The following RERE variants were observed in gnomAD, a reference collection of about 807,000 sequenced individuals.
The protein encoded by RERE is arginine-glutamic acid dipeptide repeats.
In RERE, 40 loss-of-function variants were observed where a neutral mutation model predicts 146.1. The ratio of observed to expected loss-of-function variants is 0.27; its 90% CI spans 0.21 to 0.36. The LOEUF (loss-of-function observed/expected upper bound fraction) is 0.36. Ranked by LOEUF, RERE falls within the 10% of genes least tolerant of loss-of-function variation. RERE has a pLI of 1.00. For synonymous variants in RERE, 1,003 were observed against 866.0 expected, an observed-to-expected ratio of 1.16 and a Z score of -2.78; for missense variants, 1,933 against 2,138.7, an observed-to-expected ratio of 0.90 and a Z score of 1.90.
At chr1:8,810,098 C>T (rs1641776191) in intron 1 of RERE, among the ~76,000 whole-genome samples, 1 of 151,426 alleles carries the variant, frequency 6.6e-6, no homozygotes, top group South Asian at 2.1e-4. Flanking sequence ...CTCCGCCTCC[C>T]GGGTTCAAGC....
chr1:8,726,003 C>T (rs920842168), intron 1 of RERE, among the ~76,000 whole-genome samples: 1 of 151,948 alleles, frequency 6.6e-6, no homozygotes, highest in East Asian at 1.9e-4. Context: ...CATTTACTTC[C>T]TACCCAACAA....
chr1:8,461,757 G>A (rs1403717847), intron 11 of RERE, among the ~76,000 whole-genome samples: 1 of 152,206 alleles, frequency 6.6e-6, no homozygotes, highest in Non-Finnish European at 1.5e-5. Flanking sequence ...GAGGTCAGGT[G>A]ATAGGAGGAG....
At chr1:8,367,898 C>T (rs969532974) in intron 12 of RERE, among the ~76,000 whole-genome samples, 3 of 152,164 alleles carry the variant, frequency 2.0e-5, no homozygotes, top group African/African-American at 4.8e-5. Flanking sequence ...GGAAAAGATT[C>T]GTAAATCCCA....
chr1:8,632,353 T>C (rs778283742), intron 2 of RERE, among the ~76,000 whole-genome samples: 37 of 152,194 alleles, frequency 2.4e-4, no homozygotes, highest in Non-Finnish European at 4.9e-4. Flanking sequence ...CAGAAAACAA[T>C]GCACTAGGAG....
intron 1 of RERE, among the ~76,000 whole-genome samples, chr1:8,779,698 G>A (rs1404339038): frequency 1.3e-5 from 2 of 151,966 alleles, no homozygotes; most frequent in African/African-American, 4.8e-5. Flanking sequence ...CATGAGAGCA[G>A]AGATTTTTTT....
At chr1:8,538,958 G>C (rs1645762295) in intron 7 of RERE, among the ~76,000 whole-genome samples, 1 of 152,228 alleles carries the variant, frequency 6.6e-6, no homozygotes, top group Non-Finnish European at 1.5e-5. Flanking sequence ...ACTTGAGTGA[G>C]TGCCTGGTTT....
intron 11 of RERE, among the ~76,000 whole-genome samples, chr1:8,452,708 G>A (rs1038384167): frequency 6.6e-6 from 1 of 152,212 alleles, no homozygotes; most frequent in Admixed American, 6.5e-5. Context: ...ACAAGAGTAG[G>A]AATGGAAACG....
intron 10 of RERE, among the ~76,000 whole-genome samples, chr1:8,483,491 A>G (rs953231045): frequency 1.3e-5 from 2 of 152,256 alleles, no homozygotes; most frequent in Non-Finnish European, 2.9e-5. Context: ...TTTTAGAATA[A>G]AAGAGAAATG....
At chr1:8,688,127 C>G (rs1402012590) in intron 1 of RERE, among the ~76,000 whole-genome samples, 1 of 152,136 alleles carries the variant, frequency 6.6e-6, no homozygotes, top group African/African-American at 2.4e-5. Context: ...TCTAGGTAAC[C>G]ACACAACTAT....
chr1:8,569,690 G>C (rs1646196109), intron 4 of RERE, among the ~76,000 whole-genome samples: 1 of 152,148 alleles, frequency 6.6e-6, no homozygotes, highest in African/African-American at 2.4e-5. Flanking sequence ...CCAGTAGTTT[G>C]AGACTAACTT....
chr1:8,640,149 T>A (rs1380223802), intron 2 of RERE, among the ~76,000 whole-genome samples: 1 of 119,480 alleles, frequency 8.4e-6, no homozygotes. Flanking sequence ...AGTAAGACCC[T>A]GTCTCAGAAA....
At chr1:8,784,695 G>C (rs1045177527) in intron 1 of RERE, among the ~76,000 whole-genome samples, 3 of 151,982 alleles carry the variant, frequency 2.0e-5, no homozygotes, top group Non-Finnish European at 4.4e-5. Context: ...TAAGGAAAAG[G>C]GAATTCTATC....
intron 1 of RERE, among the ~76,000 whole-genome samples, chr1:8,741,618 TGAA>T (rs1354688876): frequency 6.6e-6 from 1 of 152,182 alleles, no homozygotes; most frequent in Non-Finnish European, 1.5e-5. Flanking sequence ...TGCCACCCTG[TGAA>T]GAAGATGCCT....
At chr1:8,489,076 G>A (rs576331606) in intron 10 of RERE, among the ~76,000 whole-genome samples, 1 of 152,222 alleles carries the variant, frequency 6.6e-6, no homozygotes, top group South Asian at 2.1e-4. Context: ...CAGGTGCGGT[G>A]GCTCATGTCT....
intron 9 of RERE, among the ~76,000 whole-genome samples, chr1:8,496,654 C>T (rs897769019): frequency 6.6e-5 from 10 of 152,294 alleles, no homozygotes; most frequent in African/African-American, 2.4e-4. Flanking sequence ...GTGACACCTG[C>T]TCTGTGACGA....
intron 1 of RERE, among the ~76,000 whole-genome samples, chr1:8,738,988 A>G (rs997819222): frequency 1.3e-5 from 2 of 152,090 alleles, no homozygotes; most frequent in Non-Finnish European, 2.9e-5. Flanking sequence ...TCTCTCCCCA[A>G]ATATGCTCTC....
intron 1 of RERE, among the ~76,000 whole-genome samples, chr1:8,775,172 G>C (rs1038265219): frequency 6.6e-6 from 1 of 151,476 alleles, no homozygotes; most frequent in Non-Finnish European, 1.5e-5. Context: ...TGTTGGCCAG[G>C]ATGGTCTCGA....
intron 2 of RERE, among the ~76,000 whole-genome samples, chr1:8,640,120 A>C (rs542423678): frequency 2.6e-5 from 4 of 151,934 alleles, no homozygotes; most frequent in Admixed American, 2.6e-4. Flanking sequence ...GCACCATTGC[A>C]CTCCAACCTG....
rs71580028 is a variant in RERE, at chr1:8,470,813, C to CTTTTTTT, written c.1105-4797_1105-4791dup. Among the ~76,000 whole-genome samples, 66 of 74,564 alleles carry CTTTTTTT rather than the reference C, an allele frequency of 8.9e-4. 7 individuals are homozygous for CTTTTTTT. The highest frequency in any genetic ancestry group is 1.8e-3 in the East Asian group (4 of 2,238). 48.9% of individuals were successfully genotyped at this position (74,564 alleles called of 152,430 possible). The stretch of plus-strand genomic sequence containing the variant: ...TTCTGAGACATCTTTAAAGAAATAC[C>CTTTTTTT]TTTTTTTTTTTTTTTTTTTTTTTTG... On this transcript the variant is annotated intron_variant, in intron 10 of 22. Coordinates refer to ENST00000400908, the MANE Select transcript of RERE (RefSeq NM_001042681.2).
Sources: allele counts gnomAD v4.1 joint callset (sites outside exome capture counted in the v4.1 genomes callset), GRCh38; gene constraint gnomAD v4.1.1; transcripts MANE v1.5; gene names NCBI Gene and HGNC (gene_info 2026-07-23, HGNC 2026-07-21).